The following ZNF385D variants were observed in gnomAD, a reference collection of about 807,000 sequenced individuals.
The protein encoded by ZNF385D is zinc finger protein 385D.
Under a neutral mutation model 35.8 loss-of-function variants are expected in ZNF385D, and 15 were observed. The ratio of observed to expected loss-of-function variants is 0.42; its 90% CI spans 0.28 to 0.64. The LOEUF (loss-of-function observed/expected upper bound fraction) is 0.64. ZNF385D is among the 30% of genes least tolerant of loss of function. The pLI, the probability that ZNF385D is intolerant of heterozygous loss-of-function variation, is 0.23. For missense variants in ZNF385D, 474 were observed against 494.6 expected (o/e 0.96, Z 0.39); for synonymous variants, 212 against 186.8 (o/e 1.13, Z -1.10).
intron 1 of ZNF385D, among the ~76,000 whole-genome samples, chr3:21,718,461 C>T (rs954458479): frequency 6.6e-6 from 1 of 152,194 alleles, no homozygotes; most frequent in Non-Finnish European, 1.5e-5. Flanking sequence ...ACAACGAAAG[C>T]CAGTATTTAT....
intron 3 of ZNF385D, among the ~76,000 whole-genome samples, chr3:21,922,279 A>G (rs953078593): frequency 9.8e-6 from 1 of 101,612 alleles, no homozygotes; most frequent in African/African-American, 2.7e-5. Flanking sequence ...AGAATTAGAA[A>G]AAAAATTTTA....
chr3:21,568,593 G>C (rs927005995), intron 2 of ZNF385D, among the ~76,000 whole-genome samples: 1 of 152,104 alleles, frequency 6.6e-6, no homozygotes, highest in Non-Finnish European at 1.5e-5. Context: ...GGTCAGATAA[G>C]GTGTAGAAAG....
rs552855070 is a variant in ZNF385D at position 21,897,073 on chromosome 3, T to C, written c.326-232045A>G. ...GCTGACGTTATCACCCAAGTACACA[T>C]GAATACAGACCTATTAAAGGCAAGA... is the stretch of plus-strand genomic sequence containing the variant. On this transcript the variant is annotated intron_variant, in intron 3 of 5. Coordinates refer to the ZNF385D transcript ENST00000494108. Among the ~76,000 whole-genome samples the C allele has an allele frequency of 5.3e-5, 8 of 152,240 alleles. No homozygotes were observed. The South Asian group carries it at 1.7e-3, about 32-fold the overall frequency.
intron 3 of ZNF385D, among the ~76,000 whole-genome samples, chr3:22,102,847 T>G (rs530729233): frequency 6.6e-6 from 1 of 151,466 alleles, no homozygotes; most frequent in Non-Finnish European, 1.5e-5. Flanking sequence ...GGGCCTTTTT[T>G]TATTTTGATA....
At chr3:21,906,628 A>T (rs964948395) in intron 3 of ZNF385D, among the ~76,000 whole-genome samples, 1 of 152,126 alleles carries the variant, frequency 6.6e-6, no homozygotes, top group African/African-American at 2.4e-5. Context: ...GTAATGGGTC[A>T]GTGCCACTCT....
intron 2 of ZNF385D, among the ~76,000 whole-genome samples, chr3:22,358,105 C>T (rs1160065446): frequency 6.6e-6 from 1 of 151,826 alleles, no homozygotes; most frequent in Non-Finnish European, 1.5e-5. Flanking sequence ...ATAACAGGGA[C>T]AGTCAGCAGT....
chr3:22,234,890 G>C (rs1209562423), intron 2 of ZNF385D, among the ~76,000 whole-genome samples: 1 of 151,934 alleles, frequency 6.6e-6, no homozygotes, highest in Non-Finnish European at 1.5e-5. Context: ...AATTCTATAA[G>C]TTCTTAAATA....
chr3:22,333,318 T>C (rs1695021563), intron 2 of ZNF385D, among the ~76,000 whole-genome samples: 1 of 152,186 alleles, frequency 6.6e-6, no homozygotes, highest in Non-Finnish European at 1.5e-5. Context: ...CATAGGTTTA[T>C]TCACCAAATT....
intron 2 of ZNF385D, among the ~76,000 whole-genome samples, chr3:22,239,555 T>C (rs890437475): frequency 6.6e-6 from 1 of 150,964 alleles, no homozygotes; most frequent in East Asian, 2.0e-4. Flanking sequence ...TTTAAATGAT[T>C]TATTAAAATA....
At chr3:21,510,520 T>C (rs559779829) in intron 4 of ZNF385D, among the ~76,000 whole-genome samples, 1 of 152,304 alleles carries the variant, frequency 6.6e-6, no homozygotes, top group East Asian at 1.9e-4. Context: ...CATGCAGTTA[T>C]AAGCTAAGGT....
intron 1 of ZNF385D, among the ~76,000 whole-genome samples, chr3:21,668,844 A>G (rs2066480641): frequency 6.6e-6 from 1 of 152,220 alleles, no homozygotes; most frequent in South Asian, 2.1e-4. Context: ...CCATATTTAA[A>G]TAGAAACTAT....
intron 3 of ZNF385D, among the ~76,000 whole-genome samples, chr3:21,833,628 T>C (rs374353387): frequency 6.6e-6 from 1 of 152,202 alleles, no homozygotes; most frequent in Admixed American, 6.5e-5. Flanking sequence ...TCTGTTGTTT[T>C]AAGACGTTCA....
chr3:22,180,297 G>C (rs1695149386), intron 2 of ZNF385D, among the ~76,000 whole-genome samples: 1 of 152,130 alleles, frequency 6.6e-6, no homozygotes, highest in South Asian at 2.1e-4. Flanking sequence ...ATAATTAATA[G>C]CTTACTAACC....
chr3:21,624,066 G>A (rs558244549), intron 2 of ZNF385D, among the ~76,000 whole-genome samples: 1 of 152,068 alleles, frequency 6.6e-6, no homozygotes, highest in Non-Finnish European at 1.5e-5. Context: ...ACCAGAAAAA[G>A]TGAAGAAAAT....
chr3:22,138,192 C>G (rs1365781482), intron 3 of ZNF385D, among the ~76,000 whole-genome samples: 4 of 152,110 alleles, frequency 2.6e-5, no homozygotes, highest in Admixed American at 2.6e-4. Flanking sequence ...GAAGAACATT[C>G]CATGCTCATG....
chr3:22,342,460 T>A (rs1187792424), intron 2 of ZNF385D, among the ~76,000 whole-genome samples: 1 of 152,078 alleles, frequency 6.6e-6, no homozygotes, highest in Non-Finnish European at 1.5e-5. Context: ...CAGGCTTTTC[T>A]CCCTGGATCT....
intron 2 of ZNF385D, among the ~76,000 whole-genome samples, chr3:22,195,323 G>C (rs1576477589): frequency 6.6e-6 from 1 of 151,938 alleles, no homozygotes; most frequent in Middle Eastern, 3.4e-3. Context: ...TGAAGTATTT[G>C]TTCAAGTCTG....
intron 2 of ZNF385D, among the ~76,000 whole-genome samples, chr3:22,317,943 C>G (rs1320719543): frequency 6.6e-6 from 1 of 151,954 alleles, no homozygotes; most frequent in South Asian, 2.1e-4. Context: ...CACCTGTAAT[C>G]CAGTTACTGG....
At chr3:22,206,968 A>T (rs1697199097) in intron 2 of ZNF385D, among the ~76,000 whole-genome samples, 1 of 151,904 alleles carries the variant, frequency 6.6e-6, no homozygotes, top group South Asian at 2.1e-4. Context: ...CAAAATGAAA[A>T]GTTTTTTTGG....
Sources: gnomAD v4.1 joint callset for allele counts (sites outside exome capture counted in the v4.1 genomes callset) on GRCh38, gnomAD v4.1.1 for gene constraint, MANE v1.5 for transcripts, NCBI Gene and HGNC (gene_info 2026-07-23, HGNC 2026-07-21) for gene names.